ZNF528: variants seen among roughly 807,000 people sequenced by gnomAD.
ZNF528 encodes zinc finger protein 528.
In ZNF528, 9 loss-of-function variants were observed where a neutral mutation model predicts 13.3. That is an observed-to-expected ratio of 0.67 (90% CI 0.41 to 1.18). ZNF528 has a LOEUF of 1.18. ZNF528 is among the 50% of genes most tolerant of loss of function. The pLI, the probability that ZNF528 is intolerant of heterozygous loss-of-function variation, is 0.01. For missense variants in ZNF528, 858 were observed against 745.4 expected (o/e 1.15, Z -1.76); for synonymous variants, 264 against 254.3 (o/e 1.04, Z -0.36).
chr19:52,399,212 CAGT>C (rs2058763197), intron 2 of ZNF528, among the ~76,000 whole-genome samples: 1 of 152,170 alleles, frequency 6.6e-6, no homozygotes, highest in Non-Finnish European at 1.5e-5. Context: ...GGCAGGGAAA[CAGT>C]AGTGAGGAAA....
At chr19:52,400,252 ACACACACACACACG>A (rs1381445489) in intron 2 of ZNF528, among the ~76,000 whole-genome samples, 1 of 151,382 alleles carries the variant, frequency 6.6e-6, no homozygotes, top group African/African-American at 2.4e-5. Flanking sequence ...ACACACACAC[ACACACACACACACG>A]CCTTTATTTT....
intron 6 of ZNF528, chr19:52,413,659 C>T (rs2058960009): frequency 6.5e-6 from 1 of 152,878 alleles, no homozygotes; most frequent in Non-Finnish European, 1.5e-5. Context: ...ACAGATGTTG[C>T]TGCAACTGGA....
chr19:52,408,807 T>G (rs2058892329), intron 6 of ZNF528, among the ~76,000 whole-genome samples: 1 of 152,150 alleles, frequency 6.6e-6, no homozygotes, highest in Admixed American at 6.6e-5. Flanking sequence ...CCTCAGGTGA[T>G]CCACCCACCT....
intron 6 of ZNF528, among the ~76,000 whole-genome samples, chr19:52,410,734 G>T (rs368273839): frequency 6.6e-6 from 1 of 152,170 alleles, no homozygotes; most frequent in Non-Finnish European, 1.5e-5. Context: ...GGCTGTAGCC[G>T]GGAGGCATGT....
In ZNF528 at chr19:52,416,842, T is replaced by G. The variant is rs1246032482; in HGVS notation, c.*103T>G. 3.2e-6 allele frequency: 4 copies of G among 1,245,002 alleles called. No individual in the cohort carries two copies. The East Asian group carries it at 7.6e-5, about 24-fold the overall frequency. The allele number at this position is 1,245,002 out of a possible 1,614,324, so 77.1% of individuals were successfully genotyped here. A position where few individuals can be genotyped will look rare whatever the true frequency, so the allele number is the denominator to read the frequency against. ...GGAAATCATATAAATGAAATGTATG[T>G]GACACAGGCTTTATCAAGGCCTGCC... On this transcript the variant is annotated 3_prime_UTR_variant, in exon 7 of 7. Coordinates refer to ENST00000360465, the MANE Select transcript of ZNF528 (RefSeq NM_032423.3).
chr19:52,413,894 C>A (rs1322673618), intron 6 of ZNF528: 1 of 272,042 alleles, frequency 3.7e-6, no homozygotes, highest in East Asian at 8.1e-5. Context: ...CTGCTGTGTC[C>A]CAATTTTCCA....
intron 2 of ZNF528, among the ~76,000 whole-genome samples, chr19:52,401,333 CAG>C (rs1328018094): frequency 2.0e-5 from 3 of 152,162 alleles, no homozygotes; most frequent in Non-Finnish European, 2.9e-5. Flanking sequence ...CTAAACCTGT[CAG>C]AATGTGCTTA....
At chr19:52,400,266 G>A (rs867253305) in intron 2 of ZNF528, among the ~76,000 whole-genome samples, 28 of 121,054 alleles carry the variant, frequency 2.3e-4, no homozygotes, top group Middle Eastern at 4.0e-3. Flanking sequence ...ACACACACAC[G>A]CCTTTATTTT....
chr19:52,416,325 G>A lies in ZNF528; in HGVS notation c.1473G>A (p.Lys491=), dbSNP rs752842790. The A allele has an allele frequency of 3.7e-6, 6 of 1,614,002 alleles. No individual in the cohort carries two copies. Among genetic ancestry groups the A allele is most frequent in the Non-Finnish European group, 5.1e-6 (6 of 1,179,968 alleles). Residue 491 remains lysine (K), a synonymous_variant, in exon 7 of 7, where the codon AAG becomes AAA. Transcript: ENST00000360465. ...ATCATAGAATTCATACTGGAGAGAA[G>A]CCTTACAAATGTAACAGATGTGGCA... ...TSHHRIHTGE[K]PYKCNRCGKV...
At chr19:52,399,057 G>A (rs1182431017) in intron 2 of ZNF528, among the ~76,000 whole-genome samples, 1 of 152,090 alleles carries the variant, frequency 6.6e-6, no homozygotes, top group Non-Finnish European at 1.5e-5. Flanking sequence ...TGTAAAAATG[G>A]ATCAGAACAG....
chr19:52,408,813 C>CA (rs1292855866), intron 6 of ZNF528, among the ~76,000 whole-genome samples: 1 of 152,248 alleles, frequency 6.6e-6, no homozygotes, highest in African/African-American at 2.4e-5. Flanking sequence ...GTGATCCACC[C>CA]ACCTCAGCCT....
chr19:52,415,419 T>C lies in ZNF528; in HGVS notation c.567T>C (p.Asn189=). 1.9e-6 allele frequency: 3 copies of C among 1,614,204 alleles called. No homozygotes were observed. Among genetic ancestry groups the C allele is most frequent in the Non-Finnish European group, 2.5e-6 (3 of 1,180,040 alleles). The change falls in exon 7 of 7, where the codon AAT becomes AAC. Residue 189 remains asparagine (N), a synonymous_variant. Transcript: ENST00000360465. The part of the protein sequence containing the change: ...AHIREKAYKC[N]EHGQVFRASA... ...TTAGGGAAAAAGCTTATAAATGTAATGAGCACGGCCAAGTCTTTAGAGCAT... is the reference window on the plus strand; with the variant it reads ...TTAGGGAAAAAGCTTATAAATGTAACGAGCACGGCCAAGTCTTTAGAGCAT...
chr19:52,398,463 C>A lies in ZNF528; in HGVS notation c.-293C>A. On this transcript the variant is annotated 5_prime_UTR_variant, in exon 2 of 7. Transcript: ENST00000360465. Reference sequence around the variant, plus strand: ...TGTTCTCTCGAGCCAGTTTCCAGCCCACAGAAAATGAGCTCTTCCGGAAGT... The same window carrying A: ...TGTTCTCTCGAGCCAGTTTCCAGCCAACAGAAAATGAGCTCTTCCGGAAGT... 1.8e-6 allele frequency: 1 copy of A among 569,614 alleles called. No homozygotes were observed. Among genetic ancestry groups the A allele is most frequent in the Non-Finnish European group, 2.2e-6 (1 of 449,874 alleles). The allele number at this position is 569,614 out of a possible 1,614,324, so 35.3% of individuals were successfully genotyped here. A position where few individuals can be genotyped will look rare whatever the true frequency, so the allele number is the denominator to read the frequency against.
In ZNF528 at chr19:52,405,915, G is replaced by GA. The variant is rs1443209974; in HGVS notation, c.27dup (p.Phe10IlefsTer33). 1 of 1,610,222 alleles carries GA rather than the reference G, an allele frequency of 6.2e-7. No individual in the cohort carries two copies. Among genetic ancestry groups the GA allele is most frequent in the Non-Finnish European group, 8.5e-7 (1 of 1,177,446 alleles). ...TGTGGATTTTCTTTCAGGGACCCTT[G>GA]AAATTCATGGATGTGGCCATAGAGT... On this transcript the variant is annotated frameshift_variant, in exon 5 of 7. Coordinates refer to ENST00000360465, the MANE Select transcript of ZNF528 (RefSeq NM_032423.3). LOFTEE classifies it high-confidence loss of function.
Position 52,416,276 on chromosome 19 carries a change from G to A in ZNF528, c.1424G>A (p.Arg475Lys). The A allele has an allele frequency of 6.2e-7, 1 of 1,613,960 alleles. No individual in the cohort carries two copies. Among genetic ancestry groups the A allele is most frequent in the Non-Finnish European group, 8.5e-7 (1 of 1,179,972 alleles). Residue 475 changes from arginine (R) to lysine (K), a missense_variant, in exon 7 of 7, where the codon AGG becomes AAG. Arg to Lys is a conservative substitution (Grantham distance 26). Transcript: ENST00000360465. ...TGTAAAGAATGTGGCAAAGTCTTCA[G>A]GTACAAGTCTTCTCTAACCAGTCAT... ...YECKECGKVF[R>K]YKSSLTSHHR... is the part of the protein sequence containing the mutation.
chr19:52,416,343 A>ATGT lies in ZNF528; in HGVS notation c.1492_1494dup (p.Cys498dup). 1 of 1,614,068 alleles carries ATGT rather than the reference A, an allele frequency of 6.2e-7. No individual in the cohort carries two copies. Among genetic ancestry groups the ATGT allele is most frequent in the Non-Finnish European group, 8.5e-7 (1 of 1,179,930 alleles). ...GAGAGAAGCCTTACAAATGTAACAG[A>ATGT]TGTGGCAAGGTCTTCAGTCGCAGTT... On this transcript the variant is annotated inframe_insertion, in exon 7 of 7. Coordinates refer to ENST00000360465, the MANE Select transcript of ZNF528 (RefSeq NM_032423.3).
intron 6 of ZNF528, chr19:52,412,515 T>C (rs2058943551): frequency 6.6e-6 from 1 of 152,234 alleles, no homozygotes; most frequent in Non-Finnish European, 1.5e-5. Context: ...ATGTTTCTCT[T>C]GGGACCCATC....
intron 6 of ZNF528, among the ~76,000 whole-genome samples, chr19:52,411,044 G>T (rs1256341501): frequency 6.6e-6 from 1 of 152,132 alleles, no homozygotes; most frequent in East Asian, 1.9e-4. Flanking sequence ...GCAATTTTGG[G>T]ATTCCGTTTA....
At position 52,398,404 on chromosome 19, in the gene ZNF528, G is replaced by C. The variant is rs1405530936; in HGVS notation, c.-352G>C. On this transcript the variant is annotated 5_prime_UTR_variant, in exon 2 of 7. Transcript: ENST00000360465. ...CAGCCACCGGTTCTCCTGACCCCGA[G>C]TGTGGGGGGTGACTTCAGTCTCCTG... 3 of 185,558 alleles carry C rather than the reference G, an allele frequency of 1.6e-5. No individual in the cohort carries two copies. The highest frequency in any genetic ancestry group is 7.1e-5 in the African/African-American group (3 of 42,076). 11.5% of individuals were successfully genotyped at this position (185,558 alleles called of 1,614,324 possible).
Sources: allele counts gnomAD v4.1 joint callset (sites outside exome capture counted in the v4.1 genomes callset), GRCh38; gene constraint gnomAD v4.1.1; transcripts MANE v1.5; gene names NCBI Gene and HGNC (gene_info 2026-07-23, HGNC 2026-07-21).